ZMYND12: variants seen among roughly 807,000 people sequenced by gnomAD.
ZMYND12 encodes zinc finger MYND-type containing 12.
ZMYND12 carries 32 observed loss-of-function variants against 41.7 expected under a neutral mutation model. The observed-to-expected ratio is 0.77, with a 90% CI of 0.58 to 1.03. ZMYND12 has a LOEUF of 1.03. ZMYND12 is among the 50% of genes least tolerant of loss of function. The pLI is 0.00. For missense variants in ZMYND12, 424 were observed against 438.5 expected (o/e 0.97, Z 0.30); for synonymous variants, 148 against 164.8 (o/e 0.90, Z 0.78).
chr1:42,440,623 C>T (rs1642958545), intron 3 of ZMYND12, among the ~76,000 whole-genome samples: 1 of 152,068 alleles, frequency 6.6e-6, no homozygotes, highest in African/African-American at 2.4e-5. Flanking sequence ...GATTGTTGCA[C>T]AACCTTCAGA....
intron 6 of ZMYND12, 91 bp from the exon 7 acceptor site, chr1:42,433,379 G>T: frequency 7.0e-7 from 1 of 1,426,598 alleles, no homozygotes; most frequent in Non-Finnish European, 9.3e-7. Context: ...CGCCTGGTCT[G>T]CTGAAGCCTT....
chr1:42,454,704 CTTTTTT>C lies in ZMYND12; in HGVS notation c.110+1178_110+1183del, dbSNP rs35101875. Among the ~76,000 whole-genome samples, 600 of 143,266 alleles carry C rather than the reference CTTTTTT, an allele frequency of 4.2e-3. 3 individuals are homozygous for C. Among genetic ancestry groups the C allele is most frequent in the African/African-American group, 0.015 (572 of 38,910 alleles). 94.0% of individuals were successfully genotyped at this position (143,266 alleles called of 152,430 possible). On this transcript the variant is annotated intron_variant, in intron 1 of 7. Coordinates refer to ENST00000372565, the MANE Select transcript of ZMYND12 (RefSeq NM_032257.5). ...ACTACCTATCACAATGATGTTCCAA[CTTTTTT>C]TTTTTTTTTTGAGACACAGTTTCAC...
chr1:42,455,821 A>T, intron 1 of ZMYND12, 67 bp downstream of exon 1: 1 of 1,311,516 alleles, frequency 7.6e-7, no homozygotes, highest in Non-Finnish European at 1.1e-6. Flanking sequence ...AAGGTACCCA[A>T]GCCAGACCCG....
In ZMYND12 at chr1:42,430,761, G is replaced by T. The variant is rs143931631; in HGVS notation, c.1073C>A (p.Ser358Ter). The change falls in exon 8 of 8, where the codon TCA becomes TAA. Residue 358 changes from serine to a stop codon, truncating the protein, a stop_gained. Coordinates refer to ENST00000372565, the MANE Select transcript of ZMYND12 (RefSeq NM_032257.5). LOFTEE classifies it high-confidence loss of function. ...STIQELLSLI[S>*]TEDHPIT Reference sequence around the variant, plus strand: ...CTAAGTAATGGGATGGTCTTCAGTTGAAATGAGACTTAATAACTCTTGAAT... The same window carrying T: ...CTAAGTAATGGGATGGTCTTCAGTTTAAATGAGACTTAATAACTCTTGAAT... The T allele has an allele frequency of 2.4e-4, 393 of 1,614,068 alleles. 1 individual carries two copies. Among genetic ancestry groups the T allele is most frequent in the Middle Eastern group, 4.9e-4 (3 of 6,084 alleles).
intron 5 of ZMYND12, 43 bp downstream of exon 5, chr1:42,436,378 A>G: frequency 1.2e-6 from 2 of 1,609,584 alleles, no homozygotes; most frequent in Non-Finnish European, 1.7e-6. Flanking sequence ...GTAAGACACC[A>G]AGCCTAAGAG....
At chr1:42,446,124 G>A (rs1643021248) in intron 3 of ZMYND12, among the ~76,000 whole-genome samples, 1 of 152,156 alleles carries the variant, frequency 6.6e-6, no homozygotes, top group Non-Finnish European at 1.5e-5. Flanking sequence ...CCTGGAATGG[G>A]GAGTCAGGGC....
chr1:42,433,520 T>C (rs1004751161), intron 6 of ZMYND12, among the ~76,000 whole-genome samples: 1 of 152,150 alleles, frequency 6.6e-6, no homozygotes, highest in Non-Finnish European at 1.5e-5. Context: ...AGCATGCCAT[T>C]ATCAGAGTAG....
At position 42,449,981 on chromosome 1, in the gene ZMYND12, G is replaced by A; in HGVS notation, c.189C>T (p.Ser63=). 6.2e-7 allele frequency: 1 copy of A among 1,613,894 alleles called. No individual in the cohort carries two copies. Among genetic ancestry groups the A allele is most frequent in the Non-Finnish European group, 8.5e-7 (1 of 1,180,032 alleles). ...CTTCCTCTGAATTGTAGAAGGGCATGGAAGTGCGCAGTGGAATCAAGAGCT... is the reference window on the plus strand; with the variant it reads ...CTTCCTCTGAATTGTAGAAGGGCATAGAAGTGCGCAGTGGAATCAAGAGCT... ...ICQLLIPLRT[S]MPFYNSEEER... is the part of the protein sequence containing the mutation. The change falls in exon 2 of 8, where the codon TCC becomes TCT. Residue 63 remains serine, a synonymous_variant. Coordinates refer to ENST00000372565, the MANE Select transcript of ZMYND12 (RefSeq NM_032257.5).
intron 4 of ZMYND12, among the ~76,000 whole-genome samples, chr1:42,437,283 G>A (rs910750724): frequency 2.6e-5 from 4 of 152,166 alleles, no homozygotes; most frequent in Admixed American, 2.0e-4. Context: ...ACAGGAATGG[G>A]AAATGACTGC....
chr1:42,432,060 CT>C (rs111394001), intron 7 of ZMYND12, among the ~76,000 whole-genome samples: 88 of 132,942 alleles, frequency 6.6e-4, no homozygotes, highest in Middle Eastern at 3.9e-3. Context: ...TTTTCTTTTT[CT>C]TTTTTTTTTT....
At chr1:42,437,116 G>C (rs1389763117) in intron 4 of ZMYND12, among the ~76,000 whole-genome samples, 3 of 152,186 alleles carry the variant, frequency 2.0e-5, no homozygotes, top group Non-Finnish European at 2.9e-5. Context: ...GCAATAAGAG[G>C]AATGAACTGT....
At chr1:42,441,956 T>C (rs964439656) in intron 3 of ZMYND12, among the ~76,000 whole-genome samples, 4 of 152,218 alleles carry the variant, frequency 2.6e-5, no homozygotes, top group African/African-American at 9.6e-5. Flanking sequence ...AATCATTGTA[T>C]TATTTTTAAA....
chr1:42,435,303 C>T lies in ZMYND12; in HGVS notation c.800G>A (p.Gly267Asp). ...QAHIQQMDLLGKLFENDTGLD... is the reference protein window; with the variant it reads ...QAHIQQMDLLDKLFENDTGLD... ...GCCAGTGTCATTCTCAAATAGTTTG[C>T]CCAGTAAATCCATTTGTTGGATGTG... is the stretch of plus-strand genomic sequence containing the variant. Residue 267 changes from glycine (G) to aspartate (D), a missense_variant, in exon 6 of 8, where the codon GGC (glycine) becomes GAC (aspartate). Gly to Asp is a moderately conservative substitution (Grantham distance 94, BLOSUM62 -1). Transcript: ENST00000372565. 3 of 1,613,888 alleles carry T rather than the reference C, an allele frequency of 1.9e-6. No homozygotes were observed. The highest frequency in any genetic ancestry group is 2.5e-6 in the Non-Finnish European group (3 of 1,179,832).
At chr1:42,452,498 C>T (rs891128609) in intron 1 of ZMYND12, among the ~76,000 whole-genome samples, 4 of 152,058 alleles carry the variant, frequency 2.6e-5, no homozygotes, top group Non-Finnish European at 4.4e-5. Context: ...GTCAGGAATT[C>T]GAGACCAGCC....
intron 3 of ZMYND12, among the ~76,000 whole-genome samples, chr1:42,444,666 TC>T (rs1295131729): frequency 6.6e-6 from 1 of 152,150 alleles, no homozygotes; most frequent in African/African-American, 2.4e-5. Context: ...TGTGAAGACA[TC>T]CGTGATAATT....
At position 42,435,212 on chromosome 1, in the gene ZMYND12, A is replaced by G. The variant is rs138470310; in HGVS notation, c.829+62T>C. 1.4e-3 allele frequency: 1,750 copies of G among 1,275,690 alleles called. 28 individuals are homozygous for G. In the African/African-American group the frequency reaches 0.023, roughly 17 times the overall value. 79.0% of individuals were successfully genotyped at this position (1,275,690 alleles called of 1,614,324 possible). ...GACAGCTGCTTTCCCTCTTAGGGACAAGGTCTGTGTATTGGGTGAGATGAA... is the reference window on the plus strand; with the variant it reads ...GACAGCTGCTTTCCCTCTTAGGGACGAGGTCTGTGTATTGGGTGAGATGAA... On this transcript the variant is annotated intron_variant, in intron 6 of 7. Transcript: ENST00000372565.
At position 42,433,174 on chromosome 1, in the gene ZMYND12, A is replaced by C. The variant is rs775561096; in HGVS notation, c.944T>G (p.Met315Arg). The change falls in exon 7 of 8, where the codon ATG (methionine) becomes AGG (arginine). Residue 315 changes from methionine to arginine, a missense_variant. Physicochemically the swap from Met to Arg is moderately conservative, Grantham distance 91 (BLOSUM62 -1). Coordinates refer to ENST00000372565, the MANE Select transcript of ZMYND12 (RefSeq NM_032257.5). ...AGAATTCATCATCAGGTAGTAAAAC[A>C]TGACCAGGATCTTCAGAACAAAGAT... ...KTIFVLKILV[M>R]FYYLMMNSSK... 7 of 1,609,958 alleles carry C rather than the reference A, an allele frequency of 4.3e-6. No individual in the cohort carries two copies. In the South Asian group the frequency reaches 7.8e-5, roughly 18 times the overall value.
At chr1:42,449,517 A>C (rs545334337) in intron 2 of ZMYND12, among the ~76,000 whole-genome samples, 1 of 152,226 alleles carries the variant, frequency 6.6e-6, no homozygotes, top group African/African-American at 2.4e-5. Flanking sequence ...TGGACACACA[A>C]AGAGATACCA....
intron 4 of ZMYND12, among the ~76,000 whole-genome samples, chr1:42,437,521 T>TA (rs1184160425): frequency 6.6e-6 from 1 of 151,192 alleles, no homozygotes; most frequent in East Asian, 2.0e-4. Context: ...TGCTAATTTT[T>TA]TTTTTTTTTA....
Sources: allele counts gnomAD v4.1 joint callset (sites outside exome capture counted in the v4.1 genomes callset), GRCh38; gene constraint gnomAD v4.1.1; transcripts MANE v1.5; gene names NCBI Gene and HGNC (gene_info 2026-07-23, HGNC 2026-07-21).